Variants in SUMF1 observed in about 807,000 individuals in gnomAD.
The protein encoded by SUMF1 is sulfatase modifying factor 1.
Under a neutral mutation model 47.6 loss-of-function variants are expected in SUMF1, and 48 were observed. The observed-to-expected ratio is 1.01, with a 90% CI of 0.80 to 1.28. The LOEUF is 1.28. Ranked by LOEUF, SUMF1 falls within the 50% of genes most tolerant of loss-of-function variation. The pLI is 0.00. For missense variants in SUMF1, 571 were observed against 485.4 expected, an observed-to-expected ratio of 1.18 and a Z score of -1.66; for synonymous variants, 230 against 192.1, an observed-to-expected ratio of 1.20 and a Z score of -1.63.
chr3:4,381,048 A>G (rs953909695), intron 7 of SUMF1, among the ~76,000 whole-genome samples: 35 of 152,174 alleles, frequency 2.3e-4, no homozygotes, highest in African/African-American at 8.4e-4. Flanking sequence ...TTTTCACAGC[A>G]CAACGACTGC....
intron 8 of SUMF1, among the ~76,000 whole-genome samples, chr3:4,344,203 T>A (rs1290357817): frequency 6.6e-6 from 1 of 152,194 alleles, no homozygotes; most frequent in Non-Finnish European, 1.5e-5. Flanking sequence ...AAGGCTGTCG[T>A]GACCCACGGA....
Position 4,467,224 on chromosome 3 carries a change from G to A in SUMF1, c.22C>T (p.Leu8=), listed in dbSNP as rs769257869. The change falls in exon 1 of 9, where the codon CTG becomes TTG. Residue 8 remains leucine, a synonymous_variant. Coordinates refer to ENST00000272902, the MANE Select transcript of SUMF1 (RefSeq NM_182760.4). Reference sequence around the variant, plus strand: ...AGCTCAGGGCAACGTCCACACACCAGCCCTAGTGCGGGCGCAGCCATGTTG... The same window carrying A: ...AGCTCAGGGCAACGTCCACACACCAACCCTAGTGCGGGCGCAGCCATGTTG... MAAPALG[L]VCGRCPELGL... The A allele has an allele frequency of 5.7e-5, 92 of 1,610,948 alleles. 1 individual carries two copies. In the Admixed American group the frequency reaches 1.4e-3, roughly 25 times the overall value.
chr3:4,424,413 C>G (rs1396777857), intron 3 of SUMF1, among the ~76,000 whole-genome samples: 1 of 152,108 alleles, frequency 6.6e-6, no homozygotes, highest in African/African-American at 2.4e-5. Flanking sequence ...CAATGAGGTG[C>G]ACGGTAAGAT....
intron 8 of SUMF1, among the ~76,000 whole-genome samples, chr3:4,275,183 G>A (rs1012164228): frequency 6.6e-6 from 1 of 152,062 alleles, no homozygotes; most frequent in Non-Finnish European, 1.5e-5. Context: ...CCTGATCGTG[G>A]TAGAATAATA....
intron 8 of SUMF1, among the ~76,000 whole-genome samples, chr3:4,194,591 A>C: frequency 6.6e-6 from 1 of 152,192 alleles, no homozygotes; most frequent in East Asian, 1.9e-4. Context: ...ATGTATAATA[A>C]TAACAGACTC....
At chr3:4,130,565 T>C (rs1559495655) in intron 8 of SUMF1, among the ~76,000 whole-genome samples, 2 of 152,142 alleles carry the variant, frequency 1.3e-5, no homozygotes, top group African/African-American at 2.4e-5. Context: ...TGGTGAGACA[T>C]TTGTGTGCCA....
intron 8 of SUMF1, among the ~76,000 whole-genome samples, chr3:4,089,384 G>T (rs1692736676): frequency 6.6e-6 from 1 of 152,126 alleles, no homozygotes; most frequent in South Asian, 2.1e-4. Context: ...GATGAAGAAT[G>T]TCACTTGAGA....
intron 8 of SUMF1, among the ~76,000 whole-genome samples, chr3:4,336,491 T>G (rs1029765912): frequency 9.2e-5 from 14 of 152,332 alleles, no homozygotes; most frequent in African/African-American, 3.4e-4. Context: ...GTTATCTATT[T>G]GGGTACAAAA....
chr3:4,242,347 G>A (rs1476592537), intron 8 of SUMF1, among the ~76,000 whole-genome samples: 1 of 152,018 alleles, frequency 6.6e-6, no homozygotes, highest in Non-Finnish European at 1.5e-5. Context: ...CAACCCTCTC[G>A]TGTGCCAGTT....
chr3:4,303,580 TCTC>T, intron 8 of SUMF1: 1 of 1,344,430 alleles, frequency 7.4e-7, no homozygotes. Context: ...CCCCACGTGG[TCTC>T]CTCAAGCCGC....
intron 8 of SUMF1, among the ~76,000 whole-genome samples, chr3:4,104,148 T>C (rs1248991766): frequency 3.9e-5 from 6 of 152,130 alleles, no homozygotes; most frequent in African/African-American, 9.7e-5. Flanking sequence ...TAGTGGCAGA[T>C]AACTGCATAA....
chr3:4,454,146 G>T (rs1703073739), intron 1 of SUMF1, among the ~76,000 whole-genome samples: 1 of 151,992 alleles, frequency 6.6e-6, no homozygotes. Context: ...TTTACTAAGG[G>T]GCTGTTTGTA....
chr3:4,293,414 GAGC>G (rs146617437), intron 8 of SUMF1, among the ~76,000 whole-genome samples: 3,484 of 152,252 alleles, frequency 0.023, 72 homozygotes, highest in South Asian at 0.035. Flanking sequence ...CACAGGCATA[GAGC>G]AGTTTGTTGC....
intron 8 of SUMF1, among the ~76,000 whole-genome samples, chr3:4,221,480 A>G (rs1224922679): frequency 6.6e-6 from 1 of 151,730 alleles, no homozygotes; most frequent in Non-Finnish European, 1.5e-5. Flanking sequence ...CACAGATGCT[A>G]AACATATATA....
intron 8 of SUMF1, among the ~76,000 whole-genome samples, chr3:4,189,969 G>C (rs538062612): frequency 6.6e-6 from 1 of 152,206 alleles, no homozygotes; most frequent in African/African-American, 2.4e-5. Flanking sequence ...ACTTCGAAAC[G>C]CATTTTTAAA....
intron 8 of SUMF1, among the ~76,000 whole-genome samples, chr3:4,171,777 G>A (rs1479045562): frequency 1.3e-5 from 2 of 152,086 alleles, no homozygotes; most frequent in African/African-American, 4.8e-5. Flanking sequence ...GCTACACACA[G>A]GAACAGCATG....
rs150870957 is a variant in SUMF1 at position 4,418,109 on chromosome 3, A to G, written c.626T>C (p.Val209Ala). ...LHRPDHPVLH[V>A]SWNDAVAYCT... is the part of the protein sequence containing the mutation. ...GTAGGCAACCGCATCATTCCAGGAC[A>G]CATGGAGAACTGGATGATCCGGCCT... is the stretch of plus-strand genomic sequence containing the variant. Residue 209 changes from valine to alanine, a missense_variant, in exon 5 of 9, where the codon GTG becomes GCG. Val to Ala is a moderately conservative substitution (Grantham distance 64). Transcript: ENST00000272902. 8.7e-6 allele frequency: 14 copies of G among 1,614,090 alleles called. No homozygotes were observed. The African/African-American group carries it at 1.6e-4, about 18-fold the overall frequency.
intron 8 of SUMF1, among the ~76,000 whole-genome samples, chr3:4,080,764 G>A (rs917558868): frequency 6.6e-6 from 1 of 152,004 alleles, no homozygotes; most frequent in Non-Finnish European, 1.5e-5. Context: ...AGGTTTCTTA[G>A]CTCAGGGATT....
In SUMF1 at chr3:4,365,299, T is replaced by C. The variant is rs1156298058; in HGVS notation, c.1015-3045A>G. Among the ~76,000 whole-genome samples, 7 of 122,334 alleles carry C rather than the reference T, an allele frequency of 5.7e-5. 1 individual carries two copies. The highest frequency in any genetic ancestry group is 5.5e-4 in the Admixed American group (7 of 12,704). 80.3% of individuals were successfully genotyped at this position (122,334 alleles called of 152,430 possible). A position where few individuals can be genotyped will look rare whatever the true frequency, so the allele number is the denominator to read the frequency against. On this transcript the variant is annotated intron_variant, in intron 8 of 8. Transcript: ENST00000272902. ...TAACTTTCTGTCTCGTTGATCTGTC[T>C]AATGTTGACAGTGGGGTGTTAAAGT...
Sources: allele counts gnomAD v4.1 joint callset (sites outside exome capture counted in the v4.1 genomes callset), GRCh38; gene constraint gnomAD v4.1.1; transcripts MANE v1.5; gene names NCBI Gene and HGNC (gene_info 2026-07-23, HGNC 2026-07-21).